SGCZ: variants seen among roughly 807,000 people sequenced by gnomAD.
SGCZ encodes the protein zeta-sarcoglycan.
In SGCZ, 40 loss-of-function variants were observed where a neutral mutation model predicts 41.3. That is an observed-to-expected ratio of 0.97 (90% confidence interval 0.75 to 1.26). The LOEUF (loss-of-function observed/expected upper bound fraction) is 1.26, where lower values mean the gene tolerates loss of function less well. Among genes scored for constraint, SGCZ ranks in the 50% most tolerant of loss-of-function variants. SGCZ has a pLI of 0.00. For synonymous variants in SGCZ, 206 were observed against 137.5 expected (o/e 1.50, Z -3.49); for missense variants, 552 against 369.8 (o/e 1.49, Z -4.04).
At chr8:14,983,151 C>G (rs191252528) in intron 1 of SGCZ, among the ~76,000 whole-genome samples, 4 of 151,334 alleles carry the variant, frequency 2.6e-5, no homozygotes, top group Non-Finnish European at 5.9e-5. Context: ...GTGCTTATTT[C>G]ATTGTATTCG....
At chr8:14,560,025 G>C (rs1007507779) in intron 1 of SGCZ, among the ~76,000 whole-genome samples, 7 of 152,066 alleles carry the variant, frequency 4.6e-5, no homozygotes, top group Admixed American at 6.6e-5. Flanking sequence ...TCAAGGTTCT[G>C]ACAGTGGTTT....
rs189076706 is a variant in SGCZ at position 14,670,003 on chromosome 8, T to G, written c.40-115077A>C. ...AACAGCATATACAAGTACAGCATGA[T>G]ATTTTGGAAGCAATAACTAAGTTTA... is the stretch of plus-strand genomic sequence containing the variant. On this transcript the variant is annotated intron_variant, in intron 1 of 7. Coordinates refer to ENST00000382080, the MANE Select transcript of SGCZ (RefSeq NM_139167.4). Among the ~76,000 whole-genome samples the G allele has an allele frequency of 5.9e-3, 906 of 152,340 alleles. 12 individuals carry two copies. The highest frequency in any genetic ancestry group is 9.4e-3 in the Non-Finnish European group (638 of 68,006).
chr8:14,187,346 G>A (rs1238372644), intron 4 of SGCZ, among the ~76,000 whole-genome samples: 1 of 152,090 alleles, frequency 6.6e-6, no homozygotes, highest in Non-Finnish European at 1.5e-5. Context: ...AACCATAGAT[G>A]AGGAAAAAAG....
chr8:14,568,142 C>CCAAA (rs1804436276), intron 1 of SGCZ, among the ~76,000 whole-genome samples: 1 of 151,956 alleles, frequency 6.6e-6, no homozygotes, highest in Non-Finnish European at 1.5e-5. Context: ...GAACAGAAAA[C>CCAAA]CAAACACCGC....
intron 1 of SGCZ, among the ~76,000 whole-genome samples, chr8:14,665,804 G>C (rs1057426599): frequency 4.6e-5 from 7 of 152,160 alleles, no homozygotes; most frequent in African/African-American, 1.7e-4. Flanking sequence ...TGTAAATAAA[G>C]GGTGACAAAA....
chr8:14,499,326 C>G (rs1478158775), intron 2 of SGCZ, among the ~76,000 whole-genome samples: 1 of 151,938 alleles, frequency 6.6e-6, no homozygotes, highest in Non-Finnish European at 1.5e-5. Flanking sequence ...TAGACAATGT[C>G]TTAACTTCAA....
At position 14,829,729 on chromosome 8, in the gene SGCZ, T is replaced by A. The variant is rs1024755642; in HGVS notation, c.40-274803A>T. 2.0e-5 allele frequency among the ~76,000 whole-genome samples: 3 copies of A among 151,726 alleles called. No homozygotes were observed. The South Asian group carries it at 6.2e-4, about 31-fold the overall frequency. On this transcript the variant is annotated intron_variant, in intron 1 of 7. Coordinates refer to ENST00000382080, the MANE Select transcript of SGCZ (RefSeq NM_139167.4). ...AGATGCTTAACTAAAGTTGGATGTT[T>A]AATTTAACTGATTATTTAAGGGTTT...
At chr8:14,705,581 T>C (rs1283442594) in intron 1 of SGCZ, among the ~76,000 whole-genome samples, 1 of 151,978 alleles carries the variant, frequency 6.6e-6, no homozygotes, top group Non-Finnish European at 1.5e-5. Flanking sequence ...TCAAAATGTT[T>C]CTATTTTCCT....
intron 1 of SGCZ, among the ~76,000 whole-genome samples, chr8:14,916,653 G>C (rs1799447229): frequency 6.6e-6 from 1 of 152,184 alleles, no homozygotes; most frequent in African/African-American, 2.4e-5. Flanking sequence ...TTATAACTAA[G>C]ATTCCATTAT....
chr8:15,128,951 G>A (rs937697002), intron 1 of SGCZ, among the ~76,000 whole-genome samples: 8 of 151,932 alleles, frequency 5.3e-5, no homozygotes, highest in Admixed American at 4.6e-4. Context: ...CCCCAAACTT[G>A]GTGAATTCCA....
intron 2 of SGCZ, among the ~76,000 whole-genome samples, chr8:14,496,619 G>T (rs898919442): frequency 2.0e-5 from 3 of 152,118 alleles, no homozygotes; most frequent in Admixed American, 6.6e-5. Context: ...TTGTATCACA[G>T]TTGTAGAAAA....
At chr8:14,126,965 C>T (rs781267517) in intron 5 of SGCZ, among the ~76,000 whole-genome samples, 1 of 152,048 alleles carries the variant, frequency 6.6e-6, no homozygotes, top group South Asian at 2.1e-4. Context: ...ACAACACACA[C>T]TGGGGCCATC....
At chr8:14,175,870 T>C (rs962395784) in intron 4 of SGCZ, among the ~76,000 whole-genome samples, 3 of 152,058 alleles carry the variant, frequency 2.0e-5, no homozygotes, top group African/African-American at 4.8e-5. Flanking sequence ...AATAATTAAA[T>C]TGATGAGATA....
intron 1 of SGCZ, among the ~76,000 whole-genome samples, chr8:14,606,531 G>A (rs1438110534): frequency 6.6e-6 from 1 of 152,108 alleles, no homozygotes; most frequent in Admixed American, 6.5e-5. Context: ...TAAATGGCAG[G>A]AATCATATGA....
chr8:14,724,812 A>G (rs2130201624), intron 1 of SGCZ, among the ~76,000 whole-genome samples: 1 of 152,290 alleles, frequency 6.6e-6, no homozygotes, highest in East Asian at 1.9e-4. Flanking sequence ...TGGAATGTCT[A>G]CCACCTTAAA....
chr8:15,084,715 G>A (rs1452724138), intron 1 of SGCZ, among the ~76,000 whole-genome samples: 1 of 152,056 alleles, frequency 6.6e-6, no homozygotes, highest in African/African-American at 2.4e-5. Flanking sequence ...TCATGCCACT[G>A]CCCTCCAGCC....
At position 14,880,784 on chromosome 8, in the gene SGCZ, C is replaced by G. The variant is rs368586284; in HGVS notation, c.40-325858G>C. Among the ~76,000 whole-genome samples, 5 of 152,088 alleles carry G rather than the reference C, an allele frequency of 3.3e-5. No individual in the cohort carries two copies. The East Asian group carries it at 5.8e-4, about 18-fold the overall frequency. On this transcript the variant is annotated intron_variant, in intron 1 of 7. Transcript: ENST00000382080. ...CACTTGGACACAGGAAGGGGAACACCAGACACCGGGACCTGTTGTGGGGTC... is the reference window on the plus strand; with the variant it reads ...CACTTGGACACAGGAAGGGGAACACGAGACACCGGGACCTGTTGTGGGGTC...
chr8:14,672,204 G>T (rs1808126121), intron 1 of SGCZ, among the ~76,000 whole-genome samples: 1 of 152,012 alleles, frequency 6.6e-6, no homozygotes, highest in Non-Finnish European at 1.5e-5. Flanking sequence ...AGTTAACTAT[G>T]ACCACATTTT....
At chr8:14,771,815 C>T (rs1359044495) in intron 1 of SGCZ, among the ~76,000 whole-genome samples, 3 of 151,980 alleles carry the variant, frequency 2.0e-5, no homozygotes, top group Non-Finnish European at 4.4e-5. Context: ...AAATAATTTG[C>T]ATTGAATACT....
Sources: gnomAD v4.1 joint callset for allele counts (sites outside exome capture counted in the v4.1 genomes callset) on GRCh38, gnomAD v4.1.1 for gene constraint, MANE v1.5 for transcripts, NCBI Gene and HGNC (gene_info 2026-07-23, HGNC 2026-07-21) for gene names.